The following RNF144B variants were observed in gnomAD, a reference collection of about 807,000 sequenced individuals.
The protein encoded by RNF144B is E3 ubiquitin-protein ligase RNF144B.
In RNF144B, 25 loss-of-function variants were observed where a neutral mutation model predicts 40.2. That is an observed-to-expected ratio of 0.62 (90% CI 0.45 to 0.87). The LOEUF is 0.87. Ranked by LOEUF, RNF144B falls within the 40% of genes least tolerant of loss-of-function variation. The pLI, the probability that RNF144B is intolerant of heterozygous loss-of-function variation, is 0.00. For synonymous variants in RNF144B, 145 were observed against 136.3 expected (o/e 1.06, Z -0.44); for missense variants, 365 against 373.7 (o/e 0.98, Z 0.19).
Position 18,398,492 on chromosome 6 carries a change from C to T in RNF144B, c.-36-1007C>T, listed in dbSNP as rs966339709. On this transcript the variant is annotated intron_variant, in intron 1 of 7. Coordinates refer to ENST00000259939, the MANE Select transcript of RNF144B (RefSeq NM_182757.4). This position sits in a 1 kb window ranked among gnomAD's most constrained non-coding sequence, Gnocchi z 5.0. ...GTTCAAGTGATTCTCCCGCCTCAGC[C>T]TCCTGAGTAGCTGGGATTACAGATG... Among the ~76,000 whole-genome samples the T allele has an allele frequency of 1.3e-5, 2 of 152,214 alleles. No homozygotes were observed. Among genetic ancestry groups the T allele is most frequent in the African/African-American group, 2.4e-5 (1 of 41,452 alleles).
intron 2 of RNF144B, among the ~76,000 whole-genome samples, chr6:18,420,492 C>G (rs1419355309): frequency 2.6e-5 from 4 of 151,952 alleles, no homozygotes; most frequent in African/African-American, 9.7e-5. Context: ...AGGAGGCAGG[C>G]AAGTTGATAG....
At chr6:18,411,491 ATATATATTTTTT>A (rs1795043004) in intron 2 of RNF144B, among the ~76,000 whole-genome samples, 1 of 21,786 alleles carries the variant, frequency 4.6e-5, no homozygotes, top group Non-Finnish European at 8.1e-5. Flanking sequence ...ATATATATAT[ATATATATTTTTT>A]TTTTTTTTTT....
intron 6 of RNF144B, among the ~76,000 whole-genome samples, chr6:18,461,340 T>C (rs1210065468): frequency 6.6e-6 from 1 of 152,182 alleles, no homozygotes; most frequent in African/African-American, 2.4e-5. Context: ...TGCATCTAAG[T>C]GAGTGATATT....
At chr6:18,452,184 C>T (rs1231897655) in intron 4 of RNF144B, among the ~76,000 whole-genome samples, 1 of 152,158 alleles carries the variant, frequency 6.6e-6, no homozygotes, top group Admixed American at 6.5e-5. Flanking sequence ...TTGAAAAACC[C>T]AGAAATTACT....
chr6:18,460,619 C>T lies in RNF144B; in HGVS notation c.681+868C>T, dbSNP rs1363944821. Among the ~76,000 whole-genome samples, 1 of 152,138 alleles carries T rather than the reference C, an allele frequency of 6.6e-6. No individual in the cohort carries two copies. The highest frequency in any genetic ancestry group is 1.5e-5 in the Non-Finnish European group (1 of 68,032). ...TCTCCCTCATGCTCTCTTGCATGCT[C>T]TCACTCGCTCTCTCTCTCTCTTGTT... is the stretch of plus-strand genomic sequence containing the variant. On this transcript the variant is annotated intron_variant, in intron 6 of 7. Transcript: ENST00000259939. This position sits in a 1 kb window ranked among gnomAD's most constrained non-coding sequence, Gnocchi z 4.4.
rs1759585015 is a variant in RNF144B, at chr6:18,467,032, G to C, written c.*1965G>C. ...AACACTATCAGTGTAGTTCATGTTA[G>C]TATAATTATAGATTTACATATATTT... On this transcript the variant is annotated 3_prime_UTR_variant, in exon 8 of 8. Transcript: ENST00000259939. 3 of 152,552 alleles carry C rather than the reference G, an allele frequency of 2.0e-5. No homozygotes were observed. Among genetic ancestry groups the C allele is most frequent in the Admixed American group, 1.3e-4 (2 of 15,262 alleles). The allele number at this position is 152,552 out of a possible 1,614,324, so 9.4% of individuals were successfully genotyped here.
At chr6:18,426,654 T>C (rs1758561455) in intron 2 of RNF144B, among the ~76,000 whole-genome samples, 1 of 151,544 alleles carries the variant, frequency 6.6e-6, no homozygotes, top group Non-Finnish European at 1.5e-5. Context: ...TGGGCTTCTT[T>C]TTTTCTATTC....
intron 2 of RNF144B, among the ~76,000 whole-genome samples, chr6:18,411,462 CATATATATATATATATAT>C (rs767477071): frequency 0.018 from 1,060 of 59,152 alleles, 23 homozygotes; most frequent in Middle Eastern, 0.041. Context: ...GTGCATGATT[CATATATATATATATATAT>C]ATATATATAT....
intron 2 of RNF144B, 60 bp from the exon 3 acceptor site, chr6:18,427,521 A>G: frequency 2.6e-6 from 3 of 1,161,230 alleles, no homozygotes; most frequent in East Asian, 2.4e-5. Flanking sequence ...TGGTTCTGTT[A>G]TGTAACCTTT....
At position 18,465,145 on chromosome 6, in the gene RNF144B, G is replaced by A; in HGVS notation, c.*78G>A. 6.8e-7 allele frequency: 1 copy of A among 1,476,788 alleles called. No homozygotes were observed. Among genetic ancestry groups the A allele is most frequent in the Non-Finnish European group, 9.3e-7 (1 of 1,079,562 alleles). The allele number at this position is 1,476,788 out of a possible 1,614,324, so 91.5% of individuals were successfully genotyped here. A position where few individuals can be genotyped will look rare whatever the true frequency, so the allele number is the denominator to read the frequency against. ...TGATAAAGCCCCATTTAGTGACCTT[G>A]CCTCCTTCTCCTTGCCAACTTTGAA... On this transcript the variant is annotated 3_prime_UTR_variant, in exon 8 of 8. Transcript: ENST00000259939.
chr6:18,462,567 G>A (rs903655792), intron 6 of RNF144B, among the ~76,000 whole-genome samples: 11 of 151,958 alleles, frequency 7.2e-5, no homozygotes, highest in East Asian at 1.9e-4. Context: ...ATGCCCAGTT[G>A]AGTCCCCTTT....
At chr6:18,435,404 A>G (rs964710496) in intron 3 of RNF144B, among the ~76,000 whole-genome samples, 7 of 148,812 alleles carry the variant, frequency 4.7e-5, no homozygotes, top group African/African-American at 9.7e-5. Context: ...TGAAATTTAA[A>G]AAATGAATAA....
At chr6:18,391,313 G>T (rs560324909) in intron 1 of RNF144B, among the ~76,000 whole-genome samples, 1 of 152,282 alleles carries the variant, frequency 6.6e-6, no homozygotes, top group South Asian at 2.1e-4. Flanking sequence ...ATTTAGCAGG[G>T]CTGTGTGAAT....
chr6:18,455,944 A>T (rs1759314937), intron 4 of RNF144B, among the ~76,000 whole-genome samples: 1 of 150,894 alleles, frequency 6.6e-6, no homozygotes, highest in Admixed American at 6.6e-5. Flanking sequence ...TTTTTTTGAG[A>T]CGGAGTCTTG....
intron 1 of RNF144B, among the ~76,000 whole-genome samples, chr6:18,399,054 T>C (rs1416036572): frequency 6.6e-6 from 1 of 152,202 alleles, no homozygotes; most frequent in Non-Finnish European, 1.5e-5. Context: ...CTAATGAACA[T>C]CATCACTTCA....
intron 7 of RNF144B, among the ~76,000 whole-genome samples, chr6:18,463,847 A>C (rs568670849): frequency 1.3e-5 from 2 of 152,332 alleles, no homozygotes; most frequent in African/African-American, 2.4e-5. Flanking sequence ...GCAGAAGGCA[A>C]AGGAGGAGCA....
chr6:18,464,469 G>T lies in RNF144B; in HGVS notation c.772-458G>T, dbSNP rs1283912954. On this transcript the variant is annotated intron_variant, in intron 7 of 7. Transcript: ENST00000259939. The surrounding 1 kb of genome is among the most constrained non-coding windows in gnomAD (Gnocchi z 6.1). ...TCCCAGAAATGTAACTGTTCTGTGT[G>T]CCTGAGATGATGTCTTGTTCAGGCT... 6.6e-6 allele frequency among the ~76,000 whole-genome samples: 1 copy of T among 152,170 alleles called. No homozygotes were observed.
In RNF144B at chr6:18,398,432, C is replaced by T. The variant is rs953148850; in HGVS notation, c.-36-1067C>T. ...TGTCACCCAGGCTGGAGTGTGGTGA[C>T]GCAATCTTGACTCACTGCAACCTCT... On this transcript the variant is annotated intron_variant, in intron 1 of 7. Transcript: ENST00000259939. The surrounding 1 kb of genome is among the most constrained non-coding windows in gnomAD (Gnocchi z 5.0). 5.9e-5 allele frequency among the ~76,000 whole-genome samples: 9 copies of T among 152,116 alleles called. No homozygotes were observed. Among genetic ancestry groups the T allele is most frequent in the African/African-American group, 9.7e-5 (4 of 41,414 alleles).
Position 18,450,423 on chromosome 6 carries a change from G to A in RNF144B, c.332-6732G>A, listed in dbSNP as rs1362652720. ...AGTGATTCTCCTGCCTCAGCCTCCC[G>A]AGTAGCTGGGATTACACGTGTGTGC... On this transcript the variant is annotated intron_variant, in intron 4 of 7. Coordinates refer to ENST00000259939, the MANE Select transcript of RNF144B (RefSeq NM_182757.4). The surrounding 1 kb of genome is among the most constrained non-coding windows in gnomAD (Gnocchi z 4.7). 5.9e-5 allele frequency among the ~76,000 whole-genome samples: 9 copies of A among 151,882 alleles called. No homozygotes were observed. The highest frequency in any genetic ancestry group is 1.0e-4 in the Non-Finnish European group (7 of 67,990).
Sources: allele counts gnomAD v4.1 joint callset (sites outside exome capture counted in the v4.1 genomes callset), GRCh38; gene constraint gnomAD v4.1.1; non-coding constraint Gnocchi (gnomAD v3.1); transcripts MANE v1.5; gene names NCBI Gene and HGNC (gene_info 2026-07-23, HGNC 2026-07-21).